Variants in ZNF527 observed in about 807,000 individuals in gnomAD.
ZNF527 encodes the protein zinc finger protein 527.
A neutral mutation model predicts 13.5 loss-of-function variants in ZNF527; 5 were observed. That is an observed-to-expected ratio of 0.37 (90% confidence interval 0.19 to 0.78). ZNF527 has a LOEUF of 0.78. Ranked by LOEUF, ZNF527 falls within the 30% of genes least tolerant of loss-of-function variation. The pLI is 0.48. For synonymous variants in ZNF527, 209 were observed against 243.1 expected (o/e 0.86, Z 1.30); for missense variants, 628 against 726.4 (o/e 0.86, Z 1.56).
chr19:37,388,517 C>G lies in ZNF527; in HGVS notation c.468C>G (p.Ile156Met). The G allele has an allele frequency of 6.2e-7, 1 of 1,614,104 alleles. No homozygotes were observed. Among genetic ancestry groups the G allele is most frequent in the South Asian group, 1.1e-5 (1 of 91,076 alleles). ...HFMQVTAVKE[I>M]STGKRDNEFS... ...TGCAAGTGACAGCTGTTAAGGAAAT[C>G]TCTACTGGGAAAAGAGACAATGAAT... The change falls in exon 5 of 5, where the codon ATC becomes ATG. Residue 156 changes from isoleucine to methionine, a missense_variant. Physicochemically the swap from Ile to Met is conservative, Grantham distance 10. Coordinates refer to ENST00000436120, the MANE Select transcript of ZNF527 (RefSeq NM_032453.2).
intron 4 of ZNF527, among the ~76,000 whole-genome samples, chr19:37,381,978 C>T (rs1318464283): frequency 6.6e-6 from 1 of 151,892 alleles, no homozygotes; most frequent in Non-Finnish European, 1.5e-5. Flanking sequence ...GAAGTAAATC[C>T]AATGAATCAT....
At chr19:37,377,929 A>G (rs1024670254) in intron 2 of ZNF527, among the ~76,000 whole-genome samples, 3 of 152,204 alleles carry the variant, frequency 2.0e-5, no homozygotes, top group Non-Finnish European at 4.4e-5. Flanking sequence ...AGAGGAGCAC[A>G]TGGAAGTTAT....
Position 37,389,839 on chromosome 19 carries a change from T to C in ZNF527, c.1790T>C (p.Leu597Pro). 1 of 1,609,720 alleles carries C rather than the reference T, an allele frequency of 6.2e-7. No individual in the cohort carries two copies. The highest frequency in any genetic ancestry group is 8.5e-7 in the Non-Finnish European group (1 of 1,178,954). Reference protein sequence around the residue: ...CGNNFSCVSALRRHQRIHNRE... With the variant: ...CGNNFSCVSAPRRHQRIHNRE... ...AATAATTTTAGCTGTGTCTCAGCCC[T>C]TAGACGACATCAGAGAATTCATAAT... The change falls in exon 5 of 5, where the codon CTT (leucine) becomes CCT (proline). Residue 597 changes from leucine (L) to proline (P), a missense_variant. Leu to Pro is a moderately conservative substitution (Grantham distance 98). Around this residue, in one of 3 missense-constraint regions of ZNF527, gnomAD observed 592 missense variants for 678.0 expected, o/e 0.87. Transcript: ENST00000436120.
In ZNF527 at chr19:37,390,617, C is replaced by T. The variant is rs796928859; in HGVS notation, c.*738C>T. Reference sequence around the variant, plus strand: ...GCCTTTTTGCCACTCATGAGGAAAGCTTTCCCAAAGAGAAATCTAACAGAG... The same window carrying T: ...GCCTTTTTGCCACTCATGAGGAAAGTTTTCCCAAAGAGAAATCTAACAGAG... On this transcript the variant is annotated 3_prime_UTR_variant, in exon 5 of 5. Transcript: ENST00000436120. The T allele has an allele frequency of 6.6e-6, 1 of 152,186 alleles. No individual in the cohort carries two copies. Among genetic ancestry groups the T allele is most frequent in the East Asian group, 1.9e-4 (1 of 5,200 alleles). 9.4% of individuals were successfully genotyped at this position (152,186 alleles called of 1,614,324 possible).
Position 37,386,140 on chromosome 19 carries a change from C to CTTTTT in ZNF527, c.257-2148_257-2144dup, listed in dbSNP as rs1050024983. On this transcript the variant is annotated intron_variant, in intron 4 of 4. Coordinates refer to ENST00000436120, the MANE Select transcript of ZNF527 (RefSeq NM_032453.2). ...TAGAACTTTCTTTTCTCTTCTTTTC[C>CTTTTT]TTTTTTTTTTTTTTTTTTTTTTGAG... is the stretch of plus-strand genomic sequence containing the variant. 1.5e-4 allele frequency among the ~76,000 whole-genome samples: 11 copies of CTTTTT among 72,456 alleles called. 1 individual carries two copies. Among genetic ancestry groups the CTTTTT allele is most frequent in the African/African-American group, 3.4e-4 (5 of 14,850 alleles). 47.5% of individuals were successfully genotyped at this position (72,456 alleles called of 152,430 possible).
intron 1 of ZNF527, among the ~76,000 whole-genome samples, chr19:37,372,046 C>G (rs1200591873): frequency 1.3e-5 from 2 of 150,060 alleles, no homozygotes; most frequent in Non-Finnish European, 2.9e-5. Context: ...ATTGCCCAGG[C>G]TGGAGTGCAA....
At chr19:37,374,325 C>T in intron 2 of ZNF527, 94 bp downstream of exon 2, 1 of 1,108,896 alleles carries the variant, frequency 9.0e-7, no homozygotes, top group South Asian at 1.3e-5. Context: ...CCAATGAGCA[C>T]CCCTTCCACT....
rs778175400 is a variant in ZNF527, at chr19:37,380,161, ATTCTTGCCTG to A, written c.161-115_161-106del. 12 of 1,477,698 alleles carry A rather than the reference ATTCTTGCCTG, an allele frequency of 8.1e-6. No individual in the cohort carries two copies. The East Asian group carries it at 2.8e-4, about 35-fold the overall frequency. 91.5% of individuals were successfully genotyped at this position (1,477,698 alleles called of 1,614,324 possible). A position where few individuals can be genotyped will look rare whatever the true frequency, so the allele number is the denominator to read the frequency against. ...TTCTCTAGCTCTTCCTCTAATGTCC[ATTCTTGCCTG>A]ATGATCAAGATATTGGGTCTGCGTC... On this transcript the variant is annotated intron_variant, in intron 3 of 4. Transcript: ENST00000436120.
intron 4 of ZNF527, among the ~76,000 whole-genome samples, chr19:37,385,996 T>C (rs1046503616): frequency 2.0e-5 from 3 of 152,104 alleles, no homozygotes; most frequent in African/African-American, 7.2e-5. Flanking sequence ...CTATCCATTT[T>C]CTCTTTTCAG....
intron 1 of ZNF527, among the ~76,000 whole-genome samples, 176 bp downstream of exon 1, chr19:37,371,402 T>G (rs1268474431): frequency 6.6e-6 from 1 of 151,950 alleles, no homozygotes; most frequent in Non-Finnish European, 1.5e-5. Context: ...TGTGTCACTG[T>G]GTGTGTGTGT....
At chr19:37,385,309 C>T (rs868703111) in intron 4 of ZNF527, 1 of 423,300 alleles carries the variant, frequency 2.4e-6, no homozygotes, top group Non-Finnish European at 4.2e-6. Flanking sequence ...AACCAGATGT[C>T]GTCAGGATGG....
chr19:37,391,916 A>G lies in ZNF527; in HGVS notation c.*2037A>G, dbSNP rs2040758205. The G allele has an allele frequency of 1.3e-5, 2 of 152,326 alleles. No homozygotes were observed. Among genetic ancestry groups the G allele is most frequent in the Middle Eastern group, 3.4e-3 (1 of 294 alleles). The allele number at this position is 152,326 out of a possible 1,614,324, so 9.4% of individuals were successfully genotyped here. On this transcript the variant is annotated 3_prime_UTR_variant, in exon 5 of 5. Transcript: ENST00000436120. The stretch of plus-strand genomic sequence containing the variant: ...TGGGTATTGCCTGAAGAGCATCTGT[A>G]AAAACATATCAGAACAAATGAAAGA...
At chr19:37,378,493 G>T (rs1246602631) in intron 2 of ZNF527, among the ~76,000 whole-genome samples, 2 of 152,156 alleles carry the variant, frequency 1.3e-5, no homozygotes, top group Non-Finnish European at 2.9e-5. Context: ...AATGTGATCA[G>T]TTTTGTAATA....
intron 4 of ZNF527, among the ~76,000 whole-genome samples, chr19:37,382,766 G>T (rs560843706): frequency 6.6e-6 from 1 of 152,254 alleles, no homozygotes; most frequent in East Asian, 1.9e-4. Flanking sequence ...GGAGTGCAGT[G>T]GGCAATCTCG....
intron 2 of ZNF527, among the ~76,000 whole-genome samples, chr19:37,374,636 A>G (rs536240601): frequency 1.6e-4 from 24 of 152,208 alleles, no homozygotes; most frequent in African/African-American, 3.1e-4. Flanking sequence ...GAAGGAGTAC[A>G]AAGTTATTAT....
chr19:37,385,346 C>T, intron 4 of ZNF527: 2 of 400,180 alleles, frequency 5.0e-6, no homozygotes, highest in East Asian at 3.6e-5. Flanking sequence ...CTCCCCTTCA[C>T]TGTGTTCTCT....
At position 37,393,038 on chromosome 19, in the gene ZNF527, T is replaced by C. The variant is rs1259595496; in HGVS notation, c.*3159T>C. On this transcript the variant is annotated 3_prime_UTR_variant, in exon 5 of 5. Coordinates refer to ENST00000436120, the MANE Select transcript of ZNF527 (RefSeq NM_032453.2). ...GTGTATGTGCATCTGAAGATGTGTA[T>C]TTTATTTAAATTTTTTGTATTAAGT... 1.3e-5 allele frequency: 2 copies of C among 152,206 alleles called. No homozygotes were observed. Among genetic ancestry groups the C allele is most frequent in the Non-Finnish European group, 2.9e-5 (2 of 68,038 alleles). The allele number at this position is 152,206 out of a possible 1,614,324, so 9.4% of individuals were successfully genotyped here.
rs1443897538 is a variant in ZNF527 at position 37,374,243 on chromosome 19, C to G, written c.33+12C>G. 2 of 1,613,786 alleles carry G rather than the reference C, an allele frequency of 1.2e-6. No homozygotes were observed. Among genetic ancestry groups the G allele is most frequent in the Admixed American group, 1.7e-5 (1 of 59,944 alleles). Reference sequence around the variant, plus strand: ...AAGCCATGTCCCAGGTAAGCATGCTCTTTCACTTTGTTTTCAGACATTTGA... The same window carrying G: ...AAGCCATGTCCCAGGTAAGCATGCTGTTTCACTTTGTTTTCAGACATTTGA... On this transcript the variant is annotated intron_variant, in intron 2 of 4. Transcript: ENST00000436120.
At chr19:37,384,573 AGATACTCAACTTGTTCTGGGAAGT>A (rs551741672) in intron 4 of ZNF527, among the ~76,000 whole-genome samples, 43 of 152,154 alleles carry the variant, frequency 2.8e-4, no homozygotes, top group Non-Finnish European at 4.7e-4. Flanking sequence ...TTAATTTACA[AGATACTCAACTTGTTCTGGGAAGT>A]GATTGTATCA....
Sources: allele counts gnomAD v4.1 joint callset (sites outside exome capture counted in the v4.1 genomes callset), GRCh38; gene constraint gnomAD v4.1.1; regional missense constraint gnomAD v4.1.1; transcripts MANE v1.5; gene names NCBI Gene and HGNC (gene_info 2026-07-23, HGNC 2026-07-21).